The following CERKL variants were observed in gnomAD, a reference collection of about 807,000 sequenced individuals.
CERKL encodes ceramide kinase-like protein.
CERKL carries 61 observed loss-of-function variants against 63.4 expected under a neutral mutation model. The ratio of observed to expected loss-of-function variants is 0.96; its 90% CI spans 0.78 to 1.19. The LOEUF is 1.19. CERKL is among the 50% of genes most tolerant of loss of function. The pLI, the probability that CERKL is intolerant of heterozygous loss-of-function variation, is 0.00. For missense variants in CERKL, 675 were observed against 655.5 expected, an observed-to-expected ratio of 1.03 and a Z score of -0.33; for synonymous variants, 250 against 230.5, an observed-to-expected ratio of 1.08 and a Z score of -0.77.
At chr2:181,647,030 A>C (rs535305224) in intron 1 of CERKL, among the ~76,000 whole-genome samples, 4 of 152,350 alleles carry the variant, frequency 2.6e-5, no homozygotes, top group African/African-American at 9.6e-5. Context: ...TCTTGAACAT[A>C]TCTCTGCTTA....
chr2:181,626,354 T>C (rs1310887807), intron 1 of CERKL, among the ~76,000 whole-genome samples: 2 of 148,362 alleles, frequency 1.3e-5, no homozygotes, highest in African/African-American at 5.0e-5. Flanking sequence ...ACCAATATAG[T>C]GGAGTAACAA....
At chr2:181,564,018 G>C (rs1026054723) in intron 4 of CERKL, among the ~76,000 whole-genome samples, 3 of 152,136 alleles carry the variant, frequency 2.0e-5, no homozygotes, top group Non-Finnish European at 4.4e-5. Context: ...GGATGAAACT[G>C]TTCCACCTCA....
chr2:181,557,392 T>C (rs981829564), intron 5 of CERKL, among the ~76,000 whole-genome samples: 1 of 152,234 alleles, frequency 6.6e-6, no homozygotes, highest in Non-Finnish European at 1.5e-5. Context: ...TTTAAGTCTT[T>C]AATCCATCTT....
At chr2:181,641,229 C>T (rs1419125124) in intron 1 of CERKL, among the ~76,000 whole-genome samples, 3 of 150,952 alleles carry the variant, frequency 2.0e-5, no homozygotes, top group East Asian at 1.9e-4. Flanking sequence ...AACTAATCTA[C>T]ACATAATAAA....
intron 1 of CERKL, among the ~76,000 whole-genome samples, chr2:181,645,390 G>GA (rs1217026758): frequency 1.3e-5 from 2 of 152,126 alleles, no homozygotes; most frequent in African/African-American, 2.4e-5. Flanking sequence ...TGACAGTAAA[G>GA]AAAAAACATA....
chr2:181,583,636 G>A (rs970141712), intron 2 of CERKL, among the ~76,000 whole-genome samples: 2 of 152,198 alleles, frequency 1.3e-5, no homozygotes, highest in African/African-American at 4.8e-5. Context: ...CAGCTCACTG[G>A]AAAGAGCAAC....
intron 1 of CERKL, among the ~76,000 whole-genome samples, chr2:181,628,130 C>A (rs1381013923): frequency 6.6e-6 from 1 of 152,060 alleles, no homozygotes; most frequent in Non-Finnish European, 1.5e-5. Context: ...TGGTAGTAAT[C>A]AGCTATTTAG....
At chr2:181,613,191 A>C (rs1574498786) in intron 1 of CERKL, among the ~76,000 whole-genome samples, 2 of 152,128 alleles carry the variant, frequency 1.3e-5, no homozygotes, top group East Asian at 3.8e-4. Flanking sequence ...TGACAACCGC[A>C]ATTGTACTCT....
chr2:181,542,844 T>C (rs1014996221), intron 11 of CERKL, among the ~76,000 whole-genome samples: 1 of 152,222 alleles, frequency 6.6e-6, no homozygotes, highest in Non-Finnish European at 1.5e-5. Flanking sequence ...TCTGTATGTC[T>C]GTCTTTATGT....
intron 6 of CERKL, 24 bp downstream of exon 6, chr2:181,549,610 G>A (rs1166125194): frequency 1.3e-6 from 2 of 1,525,148 alleles, no homozygotes; most frequent in African/African-American, 1.4e-5. Flanking sequence ...TATAAAATAT[G>A]AACTGCTTTG....
Position 181,547,621 on chromosome 2 carries a change from G to T in CERKL, c.1265C>A (p.Thr422Asn). Residue 422 changes from threonine to asparagine, a missense_variant, in exon 10 of 13, where the codon ACC becomes AAC. Coordinates refer to ENST00000410087, the MANE Select transcript of CERKL (RefSeq NM_201548.5). ...SVAPRGLAPN[T>N]RLNNGSMALI... is the part of the protein sequence containing the mutation. Reference sequence around the variant, plus strand: ...TTCAATAAAAATGCTTACTAACCTGGTATTAGGTGCCAAGCCTCTAGGTGC... The same window carrying T: ...TTCAATAAAAATGCTTACTAACCTGTTATTAGGTGCCAAGCCTCTAGGTGC... 1 of 1,612,634 alleles carries T rather than the reference G, an allele frequency of 6.2e-7. No homozygotes were observed. Among genetic ancestry groups the T allele is most frequent in the Non-Finnish European group, 8.5e-7 (1 of 1,178,714 alleles).
At chr2:181,619,916 T>C (rs988065316) in intron 1 of CERKL, among the ~76,000 whole-genome samples, 2 of 152,162 alleles carry the variant, frequency 1.3e-5, no homozygotes, top group African/African-American at 2.4e-5. Flanking sequence ...ATGGTAGTAG[T>C]GGGAGAGGTT....
chr2:181,609,865 A>G (rs1046755340), intron 1 of CERKL, among the ~76,000 whole-genome samples: 1 of 152,186 alleles, frequency 6.6e-6, no homozygotes, highest in Non-Finnish European at 1.5e-5. Context: ...GTGGCATCTA[A>G]GCGCCGCTAG....
intron 1 of CERKL, among the ~76,000 whole-genome samples, chr2:181,622,389 T>C (rs751479657): frequency 6.6e-6 from 1 of 152,182 alleles, no homozygotes; most frequent in African/African-American, 2.4e-5. Context: ...GACTATTGAA[T>C]ATAAGCCATT....
intron 5 of CERKL, among the ~76,000 whole-genome samples, chr2:181,556,118 C>T (rs1379306693): frequency 6.6e-6 from 1 of 151,910 alleles, no homozygotes; most frequent in African/African-American, 2.4e-5. Context: ...AGTCAAGTAC[C>T]AAACTGAAAT....
intron 1 of CERKL, among the ~76,000 whole-genome samples, chr2:181,614,688 T>C (rs1350383157): frequency 1.3e-5 from 2 of 152,184 alleles, no homozygotes; most frequent in Admixed American, 6.5e-5. Context: ...ATTGTTTTCC[T>C]AATTGTATGT....
chr2:181,543,120 A>G (rs1687580465), intron 11 of CERKL, among the ~76,000 whole-genome samples: 1 of 152,246 alleles, frequency 6.6e-6, no homozygotes, highest in African/African-American at 2.4e-5. Context: ...CATTTATTTA[A>G]TAAAAAAGGA....
chr2:181,540,539 A>C (rs192320469), intron 11 of CERKL, among the ~76,000 whole-genome samples: 54 of 152,334 alleles, frequency 3.5e-4, no homozygotes, highest in Admixed American at 2.5e-3. Context: ...TTATGAGAGA[A>C]GAATGCCAAG....
chr2:181,547,898 G>GACACACAGACACAC (rs1553513307), intron 8 of CERKL, 51 bp from the exon 9 acceptor site: 371 of 760,650 alleles, frequency 4.9e-4, no homozygotes, highest in Middle Eastern at 8.6e-4. Flanking sequence ...CGCGCGCACA[G>GACACACAGACACAC]ACACACAGAC....
Sources: allele counts gnomAD v4.1 joint callset (sites outside exome capture counted in the v4.1 genomes callset), GRCh38; gene constraint gnomAD v4.1.1; transcripts MANE v1.5; gene names NCBI Gene and HGNC (gene_info 2026-07-23, HGNC 2026-07-21).